The following CPED1 variants were observed in gnomAD, a reference collection of about 807,000 sequenced individuals.
The protein encoded by CPED1 is cadherin-like and PC-esterase domain-containing protein 1.
A neutral mutation model predicts 128.2 loss-of-function variants in CPED1; 114 were observed. That is an observed-to-expected ratio of 0.89 (90% CI 0.76 to 1.04). The LOEUF (loss-of-function observed/expected upper bound fraction) is 1.04. Ranked by LOEUF, CPED1 falls within the 50% of genes least tolerant of loss-of-function variation. CPED1 has a pLI of 0.00. For synonymous variants in CPED1, 462 were observed against 426.7 expected, an observed-to-expected ratio of 1.08 and a Z score of -1.02; for missense variants, 1,211 against 1,207.1, an observed-to-expected ratio of 1.00 and a Z score of -0.05.
chr7:121,064,257 T>C lies in CPED1; in HGVS notation c.560T>C (p.Ile187Thr). 6.2e-7 allele frequency: 1 copy of C among 1,611,322 alleles called. No individual in the cohort carries two copies. Among genetic ancestry groups the C allele is most frequent in the Non-Finnish European group, 8.5e-7 (1 of 1,177,454 alleles). The change falls in exon 5 of 23, where the codon ATA becomes ACA. Residue 187 changes from isoleucine (I) to threonine (T), a missense_variant. Coordinates refer to ENST00000310396, the MANE Select transcript of CPED1 (RefSeq NM_024913.5). ...TTTCAGGCAAACAGATTACCAGAAATACAGCAGCCACTTTGCAGAAAGGAA... is the reference window on the plus strand; with the variant it reads ...TTTCAGGCAAACAGATTACCAGAAACACAGCAGCCACTTTGCAGAAAGGAA... Reference protein sequence around the residue: ...LHQKANRLPEIQQPLCRKEGL... With the variant: ...LHQKANRLPETQQPLCRKEGL...
intron 4 of CPED1, among the ~76,000 whole-genome samples, chr7:121,054,069 T>C (rs1275788236): frequency 6.6e-6 from 1 of 152,188 alleles, no homozygotes; most frequent in East Asian, 1.9e-4. Flanking sequence ...CCCATTCCTG[T>C]TATTGCAGAA....
chr7:121,126,408 C>T (rs138105738), intron 9 of CPED1, among the ~76,000 whole-genome samples: 1 of 151,936 alleles, frequency 6.6e-6, no homozygotes, highest in East Asian at 1.9e-4. Context: ...ATTAAATATA[C>T]TCATTCATAT....
chr7:121,243,101 T>C (rs1414854877), intron 17 of CPED1, among the ~76,000 whole-genome samples: 1 of 152,106 alleles, frequency 6.6e-6, no homozygotes, highest in Admixed American at 6.6e-5. Flanking sequence ...TGGACAAAGT[T>C]TTTAAGTTTT....
intron 22 of CPED1, among the ~76,000 whole-genome samples, chr7:121,275,874 A>AC (rs1427887061): frequency 2.0e-5 from 3 of 151,856 alleles, no homozygotes; most frequent in Non-Finnish European, 4.4e-5. Flanking sequence ...TTTAAACTTT[A>AC]CAAGTTTACT....
At position 121,190,391 on chromosome 7, in the gene CPED1, CAAAAAA is replaced by C. The variant is rs368606501; in HGVS notation, c.2056-46308_2056-46303del. Among the ~76,000 whole-genome samples, 4 of 97,348 alleles carry C rather than the reference CAAAAAA, an allele frequency of 4.1e-5. 1 individual carries two copies. The Admixed American group carries it at 4.6e-4, about 11-fold the overall frequency. The allele number at this position is 97,348 out of a possible 152,430, so 63.9% of individuals were successfully genotyped here. A position where few individuals can be genotyped will look rare whatever the true frequency, so the allele number is the denominator to read the frequency against. ...TAGGTGACAGAGCGAGACTCTGTAT[CAAAAAA>C]AAAAAAAAAAAAAAGACTAGATTTT... On this transcript the variant is annotated intron_variant, in intron 16 of 22. Coordinates refer to ENST00000310396, the MANE Select transcript of CPED1 (RefSeq NM_024913.5).
intron 4 of CPED1, chr7:121,061,292 A>G: frequency 1.5e-5 from 8 of 533,206 alleles, no homozygotes; most frequent in Non-Finnish European, 1.9e-5. Flanking sequence ...AAATATTATT[A>G]TCATTTTATC....
chr7:121,137,055 G>C (rs1795800722), intron 14 of CPED1, among the ~76,000 whole-genome samples: 1 of 151,682 alleles, frequency 6.6e-6, no homozygotes, highest in Non-Finnish European at 1.5e-5. Context: ...ACATATAGCT[G>C]TATGTATTTG....
intron 22 of CPED1, among the ~76,000 whole-genome samples, chr7:121,280,670 AAAT>A (rs1417244916): frequency 6.6e-6 from 1 of 152,220 alleles, no homozygotes; most frequent in African/African-American, 2.4e-5. Context: ...GGCCATAATT[AAAT>A]ATTTGGGGGC....
Position 121,135,209 on chromosome 7 carries a change from CT to C in CPED1, c.1649-826del, listed in dbSNP as rs372072060. On this transcript the variant is annotated intron_variant, in intron 13 of 22. Transcript: ENST00000310396. ...TTTTTCATTCCAAAGAACATCTGAG[CT>C]TTTTGTTACAAGAAAAAAACTACTT... 6.7e-3 allele frequency among the ~76,000 whole-genome samples: 1,013 copies of C among 151,774 alleles called. 10 individuals are homozygous for C. The highest frequency in any genetic ancestry group is 0.023 in the African/African-American group (940 of 41,412).
chr7:121,070,530 A>C (rs758450006), intron 5 of CPED1, among the ~76,000 whole-genome samples: 1 of 152,160 alleles, frequency 6.6e-6, no homozygotes, highest in African/African-American at 2.4e-5. Context: ...AAGCTGATGG[A>C]ACTAATTCAG....
intron 5 of CPED1, among the ~76,000 whole-genome samples, chr7:121,081,237 T>A (rs2116138421): frequency 6.6e-6 from 1 of 152,242 alleles, no homozygotes; most frequent in Admixed American, 6.5e-5. Context: ...TGCAGCAAAC[T>A]ATAAACGAAG....
At chr7:121,089,596 A>G (rs1417729423) in intron 5 of CPED1, among the ~76,000 whole-genome samples, 1 of 152,192 alleles carries the variant, frequency 6.6e-6, no homozygotes, top group Non-Finnish European at 1.5e-5. Flanking sequence ...ATAGGGTTCT[A>G]GTAAGTTATT....
At chr7:121,197,570 G>A (rs1386282202) in intron 16 of CPED1, among the ~76,000 whole-genome samples, 2 of 152,082 alleles carry the variant, frequency 1.3e-5, no homozygotes, top group Admixed American at 6.6e-5. Flanking sequence ...CTAGTAATGG[G>A]CAAAGCTAGG....
rs112192460 is a variant in CPED1 at position 121,136,200 on chromosome 7, T to C, written c.1699+110T>C. On this transcript the variant is annotated intron_variant, in intron 14 of 22. Transcript: ENST00000310396. ...TATGTGGGTATCTTACGCTGATAATTGTTAAAGTAAATTTTAGAAGTTATT... is the reference window on the plus strand; with the variant it reads ...TATGTGGGTATCTTACGCTGATAATCGTTAAAGTAAATTTTAGAAGTTATT... The C allele has an allele frequency of 2.0e-4, 213 of 1,054,136 alleles. No individual in the cohort carries two copies. In the African/African-American group the frequency reaches 2.1e-3, roughly 11 times the overall value. 65.3% of individuals were successfully genotyped at this position (1,054,136 alleles called of 1,614,324 possible).
intron 17 of CPED1, among the ~76,000 whole-genome samples, chr7:121,241,513 T>TTTAGAGTTTCTAA (rs1798396049): frequency 6.6e-6 from 1 of 152,148 alleles, no homozygotes; most frequent in Admixed American, 6.5e-5. Flanking sequence ...GGCCATTCTC[T>TTTAGAGTTTCTAA]ACAACCAGAA....
At chr7:121,077,782 A>G (rs950564087) in intron 5 of CPED1, among the ~76,000 whole-genome samples, 1 of 151,630 alleles carries the variant, frequency 6.6e-6, no homozygotes, top group African/African-American at 2.4e-5. Flanking sequence ...AAACATACTA[A>G]TTTTTTTAAA....
intron 21 of CPED1, among the ~76,000 whole-genome samples, chr7:121,269,122 A>G (rs1428612235): frequency 6.6e-6 from 1 of 152,062 alleles, no homozygotes; most frequent in Non-Finnish European, 1.5e-5. Flanking sequence ...TAGCAAGCGT[A>G]GTATCTAATA....
chr7:121,255,979 C>T (rs1369989557), intron 18 of CPED1, among the ~76,000 whole-genome samples: 1 of 151,812 alleles, frequency 6.6e-6, no homozygotes, highest in African/African-American at 2.4e-5. Context: ...AATGGCCATA[C>T]TGCCCAAAGA....
chr7:121,189,214 G>A (rs976906204), intron 16 of CPED1, among the ~76,000 whole-genome samples: 1 of 152,088 alleles, frequency 6.6e-6, no homozygotes, highest in African/African-American at 2.4e-5. Context: ...AAAAAGTCCT[G>A]TAAAATCAAT....
Sources: gnomAD v4.1 joint callset for allele counts (sites outside exome capture counted in the v4.1 genomes callset) on GRCh38, gnomAD v4.1.1 for gene constraint, MANE v1.5 for transcripts, NCBI Gene and HGNC (gene_info 2026-07-23, HGNC 2026-07-21) for gene names.